Variants in SLIT2 observed in about 807,000 individuals in gnomAD.
The protein encoded by SLIT2 is slit homolog 2 protein.
SLIT2 carries 41 observed loss-of-function variants against 185.7 expected under a neutral mutation model. That is an observed-to-expected ratio of 0.22 (90% CI 0.17 to 0.29). The LOEUF (loss-of-function observed/expected upper bound fraction) is 0.29, where lower values mean the gene tolerates loss of function less well. SLIT2 is among the 10% of genes least tolerant of loss of function. The probability of loss-of-function intolerance (pLI) is 1.00; values close to 1 mark genes in which losing one functional copy is unlikely to be tolerated. For missense variants in SLIT2, 1,571 were observed against 1,909.0 expected (o/e 0.82, Z 3.30); for synonymous variants, 693 against 680.2 (o/e 1.02, Z -0.29).
At chr4:20,413,271 G>T (rs1727394740) in intron 4 of SLIT2, among the ~76,000 whole-genome samples, 1 of 151,712 alleles carries the variant, frequency 6.6e-6, no homozygotes, top group African/African-American at 2.4e-5. Flanking sequence ...ACATATTTGT[G>T]AATTTCCCAA....
At chr4:20,485,384 G>A (rs1349939637) in intron 6 of SLIT2, among the ~76,000 whole-genome samples, 2 of 152,104 alleles carry the variant, frequency 1.3e-5, no homozygotes, top group Non-Finnish European at 2.9e-5. Flanking sequence ...ATGAATGAAT[G>A]AGTAGTAATA....
At chr4:20,279,682 T>C (rs567432948) in intron 4 of SLIT2, among the ~76,000 whole-genome samples, 1 of 152,252 alleles carries the variant, frequency 6.6e-6, no homozygotes, top group South Asian at 2.1e-4. Context: ...GGAAGTGATG[T>C]GTGGAGTAAA....
Position 20,486,291 on chromosome 4 carries a change from G to C in SLIT2, c.611+20G>C, listed in dbSNP as rs984243862. 1 of 1,365,614 alleles carries C rather than the reference G, an allele frequency of 7.3e-7. No homozygotes were observed. The highest frequency in any genetic ancestry group is 1.7e-5 in the Admixed American group (1 of 58,902). 84.6% of individuals were successfully genotyped at this position (1,365,614 alleles called of 1,614,324 possible). ...GACTTTGTAAGTAGTCACAATATAT[G>C]TAAAAGTCATATTAATCAATTAAAG... On this transcript the variant is annotated intron_variant, in intron 7 of 36. Transcript: ENST00000504154.
chr4:20,460,721 G>A (rs111731146), intron 4 of SLIT2, among the ~76,000 whole-genome samples: 1 of 152,246 alleles, frequency 6.6e-6, no homozygotes, highest in East Asian at 1.9e-4. Context: ...CTACTTCTAT[G>A]AGATCAACTT....
At chr4:20,609,426 A>G (rs866530107) in intron 33 of SLIT2, among the ~76,000 whole-genome samples, 1 of 152,330 alleles carries the variant, frequency 6.6e-6, no homozygotes. Flanking sequence ...CTTCACAGCA[A>G]TATCAGTTGA....
chr4:20,480,497 C>T (rs575908534), intron 5 of SLIT2, among the ~76,000 whole-genome samples: 5 of 152,238 alleles, frequency 3.3e-5, no homozygotes, highest in African/African-American at 7.2e-5. Flanking sequence ...CTGGAGCTTT[C>T]CAAGGGCTGC....
chr4:20,472,453 G>GAT (rs1232535835), intron 5 of SLIT2, among the ~76,000 whole-genome samples: 1 of 23,458 alleles, frequency 4.3e-5, no homozygotes, highest in African/African-American at 1.7e-4. Context: ...TATCTATATA[G>GAT]ATATATCTAT....
chr4:20,480,646 G>C (rs1716605430), intron 5 of SLIT2, 70 bp from the exon 6 acceptor site: 3 of 1,165,132 alleles, frequency 2.6e-6, no homozygotes, highest in Admixed American at 3.4e-5. Flanking sequence ...GACCCTTCAG[G>C]AAACTTCTCA....
chr4:20,596,896 A>G (rs959362148), intron 32 of SLIT2, among the ~76,000 whole-genome samples: 2 of 151,278 alleles, frequency 1.3e-5, no homozygotes, highest in Non-Finnish European at 2.9e-5. Flanking sequence ...AAAAAAAAAT[A>G]TGTCTCTTTG....
intron 4 of SLIT2, among the ~76,000 whole-genome samples, chr4:20,286,073 T>G (rs1482254359): frequency 6.6e-6 from 1 of 152,236 alleles, no homozygotes; most frequent in Non-Finnish European, 1.5e-5. Flanking sequence ...AAAGAGATGA[T>G]GTAATGCCCA....
chr4:20,499,551 A>G lies in SLIT2; in HGVS notation c.914+7652A>G, dbSNP rs1577792354. On this transcript the variant is annotated intron_variant, in intron 9 of 36. Transcript: ENST00000504154. ...GTCATCCAGGCTGGAGTGCAGTGGC[A>G]CCTTCTTGGCTTACTGCAAGGTCCG... is the stretch of plus-strand genomic sequence containing the variant. Among the ~76,000 whole-genome samples the G allele has an allele frequency of 2.6e-5, 4 of 152,074 alleles. No homozygotes were observed. In the South Asian group the frequency reaches 8.3e-4, roughly 32 times the overall value.
At chr4:20,262,497 A>G (rs541431616) in intron 3 of SLIT2, among the ~76,000 whole-genome samples, 18 of 152,022 alleles carry the variant, frequency 1.2e-4, no homozygotes, top group African/African-American at 4.3e-4. Context: ...CACATAACAC[A>G]TACCTTTTCT....
rs186737031 is a variant in SLIT2 at position 20,520,135 on chromosome 4, G to T, written c.1130+682G>T. On this transcript the variant is annotated intron_variant, in intron 12 of 36. Coordinates refer to ENST00000504154, the MANE Select transcript of SLIT2 (RefSeq NM_004787.4). ...AGTGCTGCAATAATTTCCTCAAACG[G>T]ATGGTGTGCGGTGAGCTGTAACACA... Among the ~76,000 whole-genome samples the T allele has an allele frequency of 9.2e-3, 1,398 of 151,852 alleles. 11 individuals are homozygous for T. The highest frequency in any genetic ancestry group is 0.015 in the Non-Finnish European group (1,007 of 67,998).
chr4:20,564,322 CAA>C (rs1457736353), intron 26 of SLIT2, among the ~76,000 whole-genome samples: 1 of 151,136 alleles, frequency 6.6e-6, no homozygotes, highest in Non-Finnish European at 1.5e-5. Flanking sequence ...AATATTATTT[CAA>C]GAGATTAGAC....
chr4:20,489,064 G>T lies in SLIT2; in HGVS notation c.775+82G>T, dbSNP rs1017351845. The T allele has an allele frequency of 4.4e-6, 5 of 1,143,672 alleles. No individual in the cohort carries two copies. The Admixed American group carries it at 8.0e-5, about 18-fold the overall frequency. 70.8% of individuals were successfully genotyped at this position (1,143,672 alleles called of 1,614,324 possible). A position where few individuals can be genotyped will look rare whatever the true frequency, so the allele number is the denominator to read the frequency against. On this transcript the variant is annotated intron_variant, in intron 8 of 36. Transcript: ENST00000504154. Reference sequence around the variant, plus strand: ...AATGTGAGGGCTGCATGCGTCAAAGGTTTCAGTATTGTTCACTAATGTTCA... The same window carrying T: ...AATGTGAGGGCTGCATGCGTCAAAGTTTTCAGTATTGTTCACTAATGTTCA...
chr4:20,508,221 A>G (rs1719378009), intron 9 of SLIT2, among the ~76,000 whole-genome samples: 1 of 152,018 alleles, frequency 6.6e-6, no homozygotes, highest in South Asian at 2.1e-4. Context: ...GTGAAAACGA[A>G]TAGAATATAG....
chr4:20,458,353 A>G (rs1713321073), intron 4 of SLIT2, among the ~76,000 whole-genome samples: 1 of 152,162 alleles, frequency 6.6e-6, no homozygotes, highest in South Asian at 2.1e-4. Flanking sequence ...AGATGCAAAT[A>G]AACAAATGCC....
chr4:20,266,500 A>G (rs540585704), intron 3 of SLIT2, among the ~76,000 whole-genome samples: 172 of 152,114 alleles, frequency 1.1e-3, no homozygotes, highest in Non-Finnish European at 1.6e-3. Context: ...GGCTTAATAT[A>G]AAATGTAAAT....
intron 29 of SLIT2, 147 bp from the exon 30 acceptor site, chr4:20,589,497 T>C: frequency 1.5e-6 from 1 of 650,744 alleles, no homozygotes; most frequent in Non-Finnish European, 2.8e-6. Context: ...GTTCCATGCC[T>C]TGTGGCTTTT....
Sources: gnomAD v4.1 joint callset for allele counts (sites outside exome capture counted in the v4.1 genomes callset) on GRCh38, gnomAD v4.1.1 for gene constraint, MANE v1.5 for transcripts, NCBI Gene and HGNC (gene_info 2026-07-23, HGNC 2026-07-21) for gene names.